PTCD1: variants seen among roughly 807,000 people sequenced by gnomAD.
The protein encoded by PTCD1 is pentatricopeptide repeat-containing protein 1, mitochondrial.
In PTCD1, 50 loss-of-function variants were observed where a neutral mutation model predicts 53.4. The ratio of observed to expected loss-of-function variants is 0.94; its 90% CI spans 0.75 to 1.19. The LOEUF (loss-of-function observed/expected upper bound fraction) is 1.19. Among genes scored for constraint, PTCD1 ranks in the 50% most tolerant of loss-of-function variants. The probability of loss-of-function intolerance (pLI) is 0.00; values close to 1 mark genes in which losing one functional copy is unlikely to be tolerated. For missense variants in PTCD1, 918 were observed against 904.8 expected (o/e 1.01, Z -0.19); for synonymous variants, 413 against 394.8 (o/e 1.05, Z -0.55).
chr7:99,422,389 G>C (rs543594745), intron 7 of PTCD1, among the ~76,000 whole-genome samples: 9 of 152,210 alleles, frequency 5.9e-5, no homozygotes, highest in African/African-American at 2.2e-4. Context: ...TCAGCACAGA[G>C]TGTGATTCGA....
chr7:99,432,578 G>A (rs1040119755), intron 3 of PTCD1, among the ~76,000 whole-genome samples: 5 of 152,192 alleles, frequency 3.3e-5, no homozygotes, highest in Non-Finnish European at 7.4e-5. Flanking sequence ...CAAGAGACCA[G>A]TGCCTGCGCA....
At chr7:99,428,402 CAAA>C (rs531899998) in intron 5 of PTCD1, among the ~76,000 whole-genome samples, 2 of 54,948 alleles carry the variant, frequency 3.6e-5, no homozygotes, top group Admixed American at 2.2e-4. Context: ...GACTCCATCT[CAAA>C]AAAAAAAAAA....
rs1024065165 is a variant in PTCD1 at position 99,417,262 on chromosome 7, G to A, written c.*2705C>T. The A allele has an allele frequency of 6.5e-5, 39 of 603,102 alleles. No individual in the cohort carries two copies. Among genetic ancestry groups the A allele is most frequent in the Non-Finnish European group, 6.7e-5 (23 of 344,462 alleles). The allele number at this position is 603,102 out of a possible 1,614,324, so 37.4% of individuals were successfully genotyped here. On this transcript the variant is annotated 3_prime_UTR_variant, in exon 8 of 8. Transcript: ENST00000292478. ...GAGACGGGGTTTTACCATGTTGGCC[G>A]GGCTGGTCCTGAACTCCTGACCTCA... is the stretch of plus-strand genomic sequence containing the variant.
At chr7:99,430,138 G>T (rs1173608215) in intron 3 of PTCD1, among the ~76,000 whole-genome samples, 3 of 152,262 alleles carry the variant, frequency 2.0e-5, no homozygotes, top group Non-Finnish European at 4.4e-5. Flanking sequence ...GAAAGGGCCT[G>T]TAGTGCTTAC....
chr7:99,427,694 C>G (rs1355809916), intron 5 of PTCD1, among the ~76,000 whole-genome samples: 1 of 149,820 alleles, frequency 6.7e-6, no homozygotes, highest in African/African-American at 2.5e-5. Flanking sequence ...ATTGAGAAAT[C>G]GGATGGTTGC....
chr7:99,424,071 C>G lies in PTCD1; in HGVS notation c.1738-114G>C, dbSNP rs114213787. The G allele has an allele frequency of 2.5e-3, 3,554 of 1,425,868 alleles. 60 individuals carry two copies. The African/African-American group carries it at 0.044, about 18-fold the overall frequency. The allele number at this position is 1,425,868 out of a possible 1,614,324, so 88.3% of individuals were successfully genotyped here. On this transcript the variant is annotated intron_variant, in intron 6 of 7. Coordinates refer to ENST00000292478, the MANE Select transcript of PTCD1 (RefSeq NM_015545.4). ...GGACCAGCGGCCAGGGCCAGCAAGG[C>G]AAACTTGGCAGCAACAATGTGCTGA... is the stretch of plus-strand genomic sequence containing the variant.
intron 3 of PTCD1, 47 bp from the exon 4 acceptor site, chr7:99,429,853 G>A (rs777541994): frequency 1.4e-5 from 22 of 1,605,208 alleles, no homozygotes; most frequent in Admixed American, 1.2e-4. Flanking sequence ...TCAGCTGGAC[G>A]CACAGGTGAG....
chr7:99,425,739 C>G, intron 5 of PTCD1, 123 bp from the exon 6 acceptor site: 1 of 1,321,830 alleles, frequency 7.6e-7, no homozygotes, highest in East Asian at 2.5e-5. Flanking sequence ...ATCAGGAGTT[C>G]GAGACAAGAC....
intron 3 of PTCD1, among the ~76,000 whole-genome samples, chr7:99,432,012 T>TTCTCCAA (rs1424713022): frequency 3.3e-5 from 5 of 152,246 alleles, no homozygotes; most frequent in Admixed American, 3.3e-4. Flanking sequence ...GTCATCGCCA[T>TTCTCCAA]TCTCCAATCT....
rs1795723083 is a variant in PTCD1, at chr7:99,419,917, G to A, written c.*50C>T. The A allele has an allele frequency of 6.2e-7, 1 of 1,612,108 alleles. No individual in the cohort carries two copies. Among genetic ancestry groups the A allele is most frequent in the East Asian group, 2.2e-5 (1 of 44,886 alleles). ...GTGACACCAGCTCACTTGTCCTGGGGCTCCCACAGAGCACTGGGGGCCGAG... is the reference window on the plus strand; with the variant it reads ...GTGACACCAGCTCACTTGTCCTGGGACTCCCACAGAGCACTGGGGGCCGAG... On this transcript the variant is annotated 3_prime_UTR_variant, in exon 8 of 8. Transcript: ENST00000292478.
chr7:99,429,327 T>C, intron 4 of PTCD1, 123 bp from the exon 5 acceptor site: 1 of 1,324,256 alleles, frequency 7.6e-7, no homozygotes, highest in South Asian at 1.2e-5. Context: ...CCAGGAGTTT[T>C]GTGACCAGCC....
intron 1 of PTCD1, among the ~76,000 whole-genome samples, chr7:99,436,475 C>T (rs534428003): frequency 9.9e-5 from 15 of 152,210 alleles, no homozygotes; most frequent in South Asian, 8.3e-4. Flanking sequence ...ATTAGCTGGG[C>T]GTGACAGCGT....
At chr7:99,421,740 G>C (rs1290106915) in intron 7 of PTCD1, among the ~76,000 whole-genome samples, 1 of 152,134 alleles carries the variant, frequency 6.6e-6, no homozygotes, top group Non-Finnish European at 1.5e-5. Flanking sequence ...GGGTGACAGA[G>C]TGAGACTCCA....
chr7:99,419,783 C>T lies in PTCD1; in HGVS notation c.*184G>A. The T allele has an allele frequency of 1.0e-6, 1 of 1,000,124 alleles. No homozygotes were observed. Among genetic ancestry groups the T allele is most frequent in the Non-Finnish European group, 1.4e-6 (1 of 691,912 alleles). The allele number at this position is 1,000,124 out of a possible 1,614,324, so 62.0% of individuals were successfully genotyped here. A position where few individuals can be genotyped will look rare whatever the true frequency, so the allele number is the denominator to read the frequency against. On this transcript the variant is annotated 3_prime_UTR_variant, in exon 8 of 8. Transcript: ENST00000292478. ...ACACGCAAAGGTGGCTGGAGCTGCA[C>T]TTGGACCTGCTGGGAGCACAGGCAC...
intron 7 of PTCD1, among the ~76,000 whole-genome samples, chr7:99,422,824 G>GT (rs1795875200): frequency 6.6e-6 from 1 of 152,146 alleles, no homozygotes; most frequent in Non-Finnish European, 1.5e-5. Flanking sequence ...AAAGGTTAGG[G>GT]TGGGGCACCA....
chr7:99,417,652 G>C lies in PTCD1; in HGVS notation c.*2315C>G, dbSNP rs73711218. The stretch of plus-strand genomic sequence containing the variant: ...TTCAGCTCAAAATTCTGCCTTAGTC[G>C]ACTGCAAGGGATCTTATGTTATTTG... On this transcript the variant is annotated 3_prime_UTR_variant, in exon 8 of 8. Transcript: ENST00000292478. 1,419 of 1,596,730 alleles carry C rather than the reference G, an allele frequency of 8.9e-4. 15 individuals are homozygous for C. In the African/African-American group the frequency reaches 0.016, roughly 19 times the overall value.
At chr7:99,432,432 T>G (rs1796295100) in intron 3 of PTCD1, among the ~76,000 whole-genome samples, 1 of 152,084 alleles carries the variant, frequency 6.6e-6, no homozygotes, top group Non-Finnish European at 1.5e-5. Flanking sequence ...ACAGCACCCT[T>G]CCTTAAACTT....
chr7:99,419,357 A>G lies in PTCD1; in HGVS notation c.*610T>C, dbSNP rs779187174. 2 of 1,611,726 alleles carry G rather than the reference A, an allele frequency of 1.2e-6. No individual in the cohort carries two copies. Among genetic ancestry groups the G allele is most frequent in the Non-Finnish European group, 1.7e-6 (2 of 1,179,454 alleles). ...GAGTGTGCAGGGGCGAGCGTGGCGC[A>G]GTGGCATCGTCTCACTGTCCTCCTC... On this transcript the variant is annotated 3_prime_UTR_variant, in exon 8 of 8. Transcript: ENST00000292478.
intron 1 of PTCD1, among the ~76,000 whole-genome samples, chr7:99,437,928 G>C (rs905207381): frequency 3.9e-5 from 6 of 151,914 alleles, no homozygotes; most frequent in African/African-American, 1.5e-4. Context: ...GACTCCCAAA[G>C]TGCTGAGGTT....
Sources: allele counts gnomAD v4.1 joint callset (sites outside exome capture counted in the v4.1 genomes callset), GRCh38; gene constraint gnomAD v4.1.1; transcripts MANE v1.5; gene names NCBI Gene and HGNC (gene_info 2026-07-23, HGNC 2026-07-21).